GUCY1A2: variants seen among roughly 807,000 people sequenced by gnomAD.
GUCY1A2 encodes guanylate cyclase soluble subunit alpha-2.
In GUCY1A2, 27 loss-of-function variants were observed where a neutral mutation model predicts 63.5. The ratio of observed to expected loss-of-function variants is 0.43; its 90% CI spans 0.31 to 0.59. The LOEUF (loss-of-function observed/expected upper bound fraction) is 0.59, where lower values mean the gene tolerates loss of function less well. Among genes scored for constraint, GUCY1A2 ranks in the 20% least tolerant of loss-of-function variants. The pLI, the probability that GUCY1A2 is intolerant of heterozygous loss-of-function variation, is 0.11. For missense variants in GUCY1A2, 768 were observed against 913.3 expected (o/e 0.84, Z 2.05); for synonymous variants, 364 against 343.5 (o/e 1.06, Z -0.66).
rs1460661904 is a variant in GUCY1A2, at chr11:107,007,872, T to G, written c.303+9881A>C. ...AATGAACAACACAGCATGATAGATT[T>G]ACTGTCCCTCTAGCTTACAGATACA... On this transcript the variant is annotated intron_variant, in intron 1 of 7. Transcript: ENST00000526355. 8.2e-3 allele frequency among the ~76,000 whole-genome samples: 1,186 copies of G among 144,306 alleles called. 139 individuals carry two copies. In the East Asian group the frequency reaches 0.097, roughly 12 times the overall value. 94.7% of individuals were successfully genotyped at this position (144,306 alleles called of 152,430 possible).
rs550645380 is a variant in GUCY1A2 at position 106,681,704 on chromosome 11, C to T, written c.*5845G>A. 9.1e-6 allele frequency: 2 copies of T among 220,304 alleles called. No individual in the cohort carries two copies. Among genetic ancestry groups the T allele is most frequent in the African/African-American group, 2.2e-5 (1 of 44,598 alleles). The allele number at this position is 220,304 out of a possible 1,614,324, so 13.6% of individuals were successfully genotyped here. ...AGTATCTTTAAAAAGTCCACACCAG[C>T]TATATTATTGCTTGTATAAAACATG... On this transcript the variant is annotated 3_prime_UTR_variant, in exon 8 of 8. Coordinates refer to ENST00000526355, the MANE Select transcript of GUCY1A2 (RefSeq NM_000855.3).
chr11:106,981,007 T>C (rs1331826990), intron 2 of GUCY1A2, among the ~76,000 whole-genome samples: 1 of 152,216 alleles, frequency 6.6e-6, no homozygotes, highest in Non-Finnish European at 1.5e-5. Context: ...ATGCAATATT[T>C]TTAGGATTAA....
chr11:106,770,128 T>C (rs1282168969), intron 6 of GUCY1A2, among the ~76,000 whole-genome samples: 3 of 152,126 alleles, frequency 2.0e-5, no homozygotes, highest in African/African-American at 7.2e-5. Flanking sequence ...TAGCATTTAC[T>C]TTTTGTTAGG....
chr11:106,787,413 T>TTTA (rs1181643547), intron 5 of GUCY1A2, among the ~76,000 whole-genome samples: 3 of 16,972 alleles, frequency 1.8e-4, no homozygotes, highest in Non-Finnish European at 3.1e-4. Context: ...TTGCCTTACT[T>TTTA]TGTTTTTTTT....
intron 3 of GUCY1A2, among the ~76,000 whole-genome samples, chr11:106,942,664 T>C (rs574613175): frequency 1.1e-4 from 16 of 152,326 alleles, no homozygotes; most frequent in Admixed American, 3.3e-4. Flanking sequence ...GCATTTTTCA[T>C]AACATTGAAA....
chr11:106,882,956 C>T (rs1022008433), intron 4 of GUCY1A2, among the ~76,000 whole-genome samples: 5 of 152,006 alleles, frequency 3.3e-5, no homozygotes, highest in Admixed American at 2.0e-4. Flanking sequence ...CAGAAAAACA[C>T]ATGAAAATTG....
intron 4 of GUCY1A2, among the ~76,000 whole-genome samples, chr11:106,894,996 T>G: frequency 6.6e-6 from 1 of 152,090 alleles, no homozygotes; most frequent in Non-Finnish European, 1.5e-5. Flanking sequence ...ATAAAACTAA[T>G]AAGCCTCTAG....
At chr11:106,904,352 G>A (rs1362725232) in intron 4 of GUCY1A2, among the ~76,000 whole-genome samples, 3 of 152,058 alleles carry the variant, frequency 2.0e-5, no homozygotes, top group African/African-American at 7.2e-5. Flanking sequence ...ATGGAATTGT[G>A]TAATTCCTAT....
chr11:106,722,784 CTGTG>C (rs5794487), intron 6 of GUCY1A2, among the ~76,000 whole-genome samples: 6,930 of 148,850 alleles, frequency 0.047, 226 homozygotes, highest in African/African-American at 0.089. Context: ...AAGACCAGTT[CTGTG>C]TGTGTGTGTG....
chr11:106,708,635 A>G lies in GUCY1A2; in HGVS notation c.1868T>C (p.Leu623Pro). Reference sequence around the variant, plus strand: ...CATTCGCACCCCAACAACTCCAGCCAGCACGGAGCCTGAGTGAATTCCTAT... The same window carrying G: ...CATTCGCACCCCAACAACTCCAGCCGGCACGGAGCCTGAGTGAATTCCTAT... ...MRIGIHSGSV[L>P]AGVVGVRMPR... Residue 623 changes from leucine to proline, a missense_variant, in exon 7 of 8, where the codon CTG (leucine) becomes CCG (proline). By Grantham distance (98) the Leu-to-Pro change is moderately conservative (BLOSUM62 -3). Transcript: ENST00000526355. 1 of 1,610,630 alleles carries G rather than the reference A, an allele frequency of 6.2e-7. No homozygotes were observed. The highest frequency in any genetic ancestry group is 8.5e-7 in the Non-Finnish European group (1 of 1,178,052).
At chr11:106,868,427 T>C (rs1328925084) in intron 4 of GUCY1A2, among the ~76,000 whole-genome samples, 3 of 152,132 alleles carry the variant, frequency 2.0e-5, no homozygotes, top group African/African-American at 4.8e-5. Context: ...ACAAAATCAA[T>C]GTGCAAAAAT....
chr11:106,880,911 TAGAAAGGAAGC>T (rs1468215408), intron 4 of GUCY1A2, among the ~76,000 whole-genome samples: 2 of 152,114 alleles, frequency 1.3e-5, no homozygotes, highest in African/African-American at 4.8e-5. Flanking sequence ...ACCAATACAG[TAGAAAGGAAGC>T]AGAGAGGAAG....
intron 4 of GUCY1A2, chr11:106,936,572 C>A: frequency 1.4e-6 from 1 of 726,570 alleles, no homozygotes; most frequent in South Asian, 1.8e-5. Context: ...CATGGATGAT[C>A]ACTTAGAGAA....
chr11:106,727,343 C>T (rs1863425168), intron 6 of GUCY1A2, among the ~76,000 whole-genome samples: 1 of 152,094 alleles, frequency 6.6e-6, no homozygotes, highest in South Asian at 2.1e-4. Context: ...GGGATGCAGC[C>T]CACCTTGAGA....
intron 3 of GUCY1A2, among the ~76,000 whole-genome samples, chr11:106,945,501 A>ATGAACCC (rs969240989): frequency 4.6e-5 from 7 of 152,214 alleles, no homozygotes; most frequent in African/African-American, 1.2e-4. Context: ...TTAGTGAGCA[A>ATGAACCC]TGAACCCTAC....
chr11:106,786,542 A>G lies in GUCY1A2; in HGVS notation c.1693-9960T>C, dbSNP rs191196024. ...TTCCAATTCCTGCACAGGAATGTCCATCGTGTGGAAAATACTGTTTCTACC... is the reference window on the plus strand; with the variant it reads ...TTCCAATTCCTGCACAGGAATGTCCGTCGTGTGGAAAATACTGTTTCTACC... On this transcript the variant is annotated intron_variant, in intron 5 of 7. Coordinates refer to ENST00000526355, the MANE Select transcript of GUCY1A2 (RefSeq NM_000855.3). Among the ~76,000 whole-genome samples the G allele has an allele frequency of 5.0e-3, 763 of 152,330 alleles. 29 individuals carry two copies. The highest frequency in any genetic ancestry group is 0.046 in the Admixed American group (701 of 15,302).
intron 3 of GUCY1A2, among the ~76,000 whole-genome samples, chr11:106,971,030 G>A (rs1030888892): frequency 8.5e-5 from 13 of 152,110 alleles, no homozygotes; most frequent in Non-Finnish European, 1.5e-4. Flanking sequence ...CTATAGCATG[G>A]CAAACAGATC....
intron 1 of GUCY1A2, among the ~76,000 whole-genome samples, chr11:107,010,451 T>G (rs1324587195): frequency 6.6e-6 from 1 of 152,152 alleles, no homozygotes; most frequent in Non-Finnish European, 1.5e-5. Context: ...TCTTAAAATA[T>G]TATATAAATG....
intron 3 of GUCY1A2, among the ~76,000 whole-genome samples, chr11:106,941,073 G>T (rs1276087744): frequency 6.6e-6 from 1 of 152,098 alleles, no homozygotes; most frequent in Non-Finnish European, 1.5e-5. Context: ...AGACCTCAGG[G>T]AAAAGGAGAA....
Sources: allele counts gnomAD v4.1 joint callset (sites outside exome capture counted in the v4.1 genomes callset), GRCh38; gene constraint gnomAD v4.1.1; transcripts MANE v1.5; gene names NCBI Gene and HGNC (gene_info 2026-07-23, HGNC 2026-07-21).